The following TFAP2D variants were observed in gnomAD, a reference collection of about 807,000 sequenced individuals.
The protein encoded by TFAP2D is transcription factor AP-2 delta.
Under a neutral mutation model 43.6 loss-of-function variants are expected in TFAP2D, and 9 were observed. That is an observed-to-expected ratio of 0.21 (90% confidence interval 0.12 to 0.36). The LOEUF (loss-of-function observed/expected upper bound fraction) is 0.36, where lower values mean the gene tolerates loss of function less well. Ranked by LOEUF, TFAP2D falls within the 10% of genes least tolerant of loss-of-function variation. The probability of loss-of-function intolerance (pLI) is 1.00; values close to 1 mark genes in which losing one functional copy is unlikely to be tolerated. For missense variants in TFAP2D, 513 were observed against 561.4 expected, an observed-to-expected ratio of 0.91 and a Z score of 0.87; for synonymous variants, 256 against 224.9, an observed-to-expected ratio of 1.14 and a Z score of -1.24.
rs181885666 is a variant in TFAP2D, at chr6:50,716,613, T to A, written c.537+1000T>A. On this transcript the variant is annotated intron_variant, in intron 2 of 7. Transcript: ENST00000008391. ...TTACCAAAGATAGAATTTATAATTA[T>A]GCAATTATGTTGCCATAGGCATATT... 3.9e-5 allele frequency among the ~76,000 whole-genome samples: 6 copies of A among 152,368 alleles called. No individual in the cohort carries two copies. In the East Asian group the frequency reaches 1.2e-3, roughly 29 times the overall value.
At chr6:50,717,985 A>C (rs1768654873) in intron 2 of TFAP2D, 1 of 152,238 alleles carries the variant, frequency 6.6e-6, no homozygotes. Context: ...GGGCGGTCTA[A>C]GTCTGCCTAA....
chr6:50,734,084 A>G (rs1203890133), intron 5 of TFAP2D, among the ~76,000 whole-genome samples: 1 of 151,678 alleles, frequency 6.6e-6, no homozygotes, highest in Non-Finnish European at 1.5e-5. Flanking sequence ...ACCAGTTCCA[A>G]ATATTGTGTA....
In TFAP2D at chr6:50,772,957, A is replaced by G. The variant is rs1341420226; in HGVS notation, c.*93A>G. ...GAGGGTGACTAATCTTCAGTGGACCAAATCTCTACCCTTCCCCAACCCTCC... is the reference window on the plus strand; with the variant it reads ...GAGGGTGACTAATCTTCAGTGGACCGAATCTCTACCCTTCCCCAACCCTCC... On this transcript the variant is annotated 3_prime_UTR_variant, in exon 8 of 8. Coordinates refer to ENST00000008391, the MANE Select transcript of TFAP2D (RefSeq NM_172238.4). 3.3e-6 allele frequency: 4 copies of G among 1,195,184 alleles called. No individual in the cohort carries two copies. Among genetic ancestry groups the G allele is most frequent in the Non-Finnish European group, 3.5e-6 (3 of 854,620 alleles). 74.0% of individuals were successfully genotyped at this position (1,195,184 alleles called of 1,614,324 possible).
At chr6:50,754,742 T>C (rs1769242167) in intron 7 of TFAP2D, among the ~76,000 whole-genome samples, 1 of 151,988 alleles carries the variant, frequency 6.6e-6, no homozygotes, top group Non-Finnish European at 1.5e-5. Context: ...TTGAACATCT[T>C]TTCATATGCT....
chr6:50,736,045 TG>T (rs1181491455), intron 5 of TFAP2D, among the ~76,000 whole-genome samples: 1 of 152,108 alleles, frequency 6.6e-6, no homozygotes, highest in Non-Finnish European at 1.5e-5. Flanking sequence ...TGGGTGGTGG[TG>T]GTGACATATG....
chr6:50,715,574 C>G lies in TFAP2D; in HGVS notation c.498C>G (p.Pro166=). The G allele has an allele frequency of 1.2e-6, 2 of 1,601,308 alleles. No individual in the cohort carries two copies. The highest frequency in any genetic ancestry group is 1.7e-6 in the Non-Finnish European group (2 of 1,172,970). The part of the protein sequence containing the change: ...MHPDQRLLPG[P]SLGLAAAGAD... Reference sequence around the variant, plus strand: ...CAGATCAAAGACTCCTGCCAGGGCCCAGCCTGGGGCTGGCCGCCGCGGGAG... The same window carrying G: ...CAGATCAAAGACTCCTGCCAGGGCCGAGCCTGGGGCTGGCCGCCGCGGGAG... The change falls in exon 2 of 8, where the codon CCC becomes CCG. Residue 166 remains proline (P), a synonymous_variant. Coordinates refer to ENST00000008391, the MANE Select transcript of TFAP2D (RefSeq NM_172238.4).
intron 5 of TFAP2D, among the ~76,000 whole-genome samples, chr6:50,737,288 T>C (rs1379407972): frequency 1.3e-5 from 2 of 152,166 alleles, no homozygotes; most frequent in African/African-American, 4.8e-5. Context: ...TATTGAAATT[T>C]GTAGGTATTT....
chr6:50,738,046 A>C (rs1768987334), intron 5 of TFAP2D, among the ~76,000 whole-genome samples: 1 of 152,196 alleles, frequency 6.6e-6, no homozygotes, highest in Non-Finnish European at 1.5e-5. Context: ...GAGGGTAAGA[A>C]GCATTGACAT....
At chr6:50,748,060 T>A (rs1769149544) in intron 6 of TFAP2D, among the ~76,000 whole-genome samples, 1 of 152,030 alleles carries the variant, frequency 6.6e-6, no homozygotes, top group South Asian at 2.1e-4. Context: ...GCTTTATAAT[T>A]TTTTATTTTT....
rs1191557173 is a variant in TFAP2D at position 50,745,174 on chromosome 6, A to C, written c.951A>C (p.Val317=). 3 of 1,613,760 alleles carry C rather than the reference A, an allele frequency of 1.9e-6. No homozygotes were observed. The highest frequency in any genetic ancestry group is 2.5e-6 in the Non-Finnish European group (3 of 1,179,826). ...TCETEFPAKA[V]GEHLARQHME... ...AAACAGAGTTTCCAGCCAAAGCAGT[A>C]GGAGAACATCTTGCCAGACAACATA... The change falls in exon 6 of 8, where the codon GTA becomes GTC. Residue 317 remains valine, a synonymous_variant. Coordinates refer to ENST00000008391, the MANE Select transcript of TFAP2D (RefSeq NM_172238.4).
intron 5 of TFAP2D, among the ~76,000 whole-genome samples, chr6:50,735,402 C>T (rs77262147): frequency 0.019 from 2,817 of 152,150 alleles, 212 homozygotes; most frequent in Admixed American, 0.15. Flanking sequence ...TTAGATTGGT[C>T]CTCCCCTCCT....
chr6:50,717,517 A>C (rs1390278877), intron 2 of TFAP2D, among the ~76,000 whole-genome samples: 5 of 152,216 alleles, frequency 3.3e-5, no homozygotes, highest in African/African-American at 1.2e-4. Flanking sequence ...TCTTCAGCCT[A>C]TCTCTTTTTC....
chr6:50,768,617 T>C (rs1375564286), intron 7 of TFAP2D, among the ~76,000 whole-genome samples: 3 of 152,182 alleles, frequency 2.0e-5, no homozygotes, highest in Admixed American at 6.5e-5. Context: ...ATTGCACACT[T>C]CTTTTTACAT....
At chr6:50,772,454 G>T (rs1001150393) in intron 7 of TFAP2D, among the ~76,000 whole-genome samples, 191 bp from the exon 8 acceptor site, 1 of 152,064 alleles carries the variant, frequency 6.6e-6, no homozygotes, top group African/African-American at 2.4e-5. Flanking sequence ...CTTCCAAACT[G>T]GTCCTACATT....
chr6:50,754,174 T>C (rs1769234881), intron 7 of TFAP2D, among the ~76,000 whole-genome samples: 1 of 151,940 alleles, frequency 6.6e-6, no homozygotes, highest in African/African-American at 2.4e-5. Context: ...GTTTTGTGTT[T>C]CTGTGAATTT....
At chr6:50,719,501 G>T (rs973650421) in intron 3 of TFAP2D, among the ~76,000 whole-genome samples, 16 of 133,568 alleles carry the variant, frequency 1.2e-4, no homozygotes, top group African/African-American at 4.1e-4. Context: ...AAGAAAGAAA[G>T]AAGTTTCTCA....
intron 5 of TFAP2D, among the ~76,000 whole-genome samples, chr6:50,733,082 A>C (rs946446733): frequency 1.3e-5 from 2 of 152,090 alleles, no homozygotes; most frequent in African/African-American, 4.8e-5. Flanking sequence ...TAGGATGAAG[A>C]ACTTTAGACT....
At chr6:50,736,205 T>C (rs962362491) in intron 5 of TFAP2D, among the ~76,000 whole-genome samples, 5 of 152,320 alleles carry the variant, frequency 3.3e-5, no homozygotes. Flanking sequence ...ATATTTGATA[T>C]GAAAAGTGTA....
intron 7 of TFAP2D, 114 bp from the exon 8 acceptor site, chr6:50,772,531 G>A: frequency 1.1e-6 from 1 of 887,072 alleles, no homozygotes. Flanking sequence ...CATCATTTAG[G>A]AACACAATGA....
Sources: gnomAD v4.1 joint callset for allele counts (sites outside exome capture counted in the v4.1 genomes callset) on GRCh38, gnomAD v4.1.1 for gene constraint, MANE v1.5 for transcripts, NCBI Gene and HGNC (gene_info 2026-07-23, HGNC 2026-07-21) for gene names.